The following DENND1A variants were observed in gnomAD, a reference collection of about 807,000 sequenced individuals.
DENND1A encodes DENN domain containing 1A.
In DENND1A, 51 loss-of-function variants were observed where a neutral mutation model predicts 113.7. That is an observed-to-expected ratio of 0.45 (90% CI 0.36 to 0.57). The LOEUF (loss-of-function observed/expected upper bound fraction) is 0.57. DENND1A is among the 20% of genes least tolerant of loss of function. DENND1A has a pLI of 0.00. For synonymous variants in DENND1A, 565 were observed against 570.8 expected (o/e 0.99, Z 0.14); for missense variants, 1,258 against 1,395.9 (o/e 0.90, Z 1.57).
intron 7 of DENND1A, among the ~76,000 whole-genome samples, chr9:123,669,516 C>T (rs1171978291): frequency 6.6e-6 from 1 of 152,180 alleles, no homozygotes; most frequent in Non-Finnish European, 1.5e-5. Context: ...TTCCTGCTGC[C>T]CCTGAGATGG....
chr9:123,476,171 G>A (rs1421882451), intron 13 of DENND1A, among the ~76,000 whole-genome samples: 1 of 151,534 alleles, frequency 6.6e-6, no homozygotes, highest in African/African-American at 2.4e-5. Flanking sequence ...GTGACAGAGA[G>A]GGACCACATC....
At chr9:123,914,842 C>G (rs1055758256) in intron 1 of DENND1A, among the ~76,000 whole-genome samples, 9 of 152,050 alleles carry the variant, frequency 5.9e-5, no homozygotes, top group Non-Finnish European at 2.9e-5. Flanking sequence ...GGCCCACCCC[C>G]ACGATCCCAA....
intron 18 of DENND1A, among the ~76,000 whole-genome samples, chr9:123,443,654 C>A (rs578233663): frequency 2.0e-5 from 3 of 152,218 alleles, no homozygotes; most frequent in Non-Finnish European, 4.4e-5. Flanking sequence ...GAGGAGCCCA[C>A]GTCAAGGAAG....
intron 5 of DENND1A, among the ~76,000 whole-genome samples, chr9:123,738,024 A>C (rs2068699858): frequency 1.3e-5 from 2 of 152,222 alleles, no homozygotes; most frequent in Admixed American, 1.3e-4. Flanking sequence ...TTCCTAGAAG[A>C]GTAAGAAATT....
intron 13 of DENND1A, among the ~76,000 whole-genome samples, chr9:123,544,895 A>G (rs2056551184): frequency 1.3e-5 from 2 of 152,094 alleles, no homozygotes; most frequent in South Asian, 2.1e-4. Flanking sequence ...TCAGGAGATC[A>G]AGACCATCCT....
chr9:123,540,838 A>C (rs2056233571), intron 13 of DENND1A, among the ~76,000 whole-genome samples: 1 of 152,200 alleles, frequency 6.6e-6, no homozygotes. Flanking sequence ...AGAGGAGTTC[A>C]TGTTTCCTCC....
intron 5 of DENND1A, among the ~76,000 whole-genome samples, chr9:123,712,800 T>G (rs972021883): frequency 9.9e-5 from 15 of 152,256 alleles, no homozygotes; most frequent in African/African-American, 3.4e-4. Context: ...AATGTAGAGC[T>G]GGCATTAGAA....
intron 2 of DENND1A, among the ~76,000 whole-genome samples, chr9:123,823,968 A>G (rs1245001138): frequency 6.6e-6 from 1 of 152,210 alleles, no homozygotes; most frequent in African/African-American, 2.4e-5. Context: ...GAAAGTCAAG[A>G]AGAGCCATTC....
At chr9:123,545,580 C>A (rs1027231653) in intron 13 of DENND1A, among the ~76,000 whole-genome samples, 8 of 152,066 alleles carry the variant, frequency 5.3e-5, no homozygotes, top group African/African-American at 1.2e-4. Context: ...CATTCTCCTG[C>A]CTCAGCCTCC....
chr9:123,429,686 A>C (rs2045994206), intron 19 of DENND1A, among the ~76,000 whole-genome samples: 1 of 152,224 alleles, frequency 6.6e-6, no homozygotes, highest in Non-Finnish European at 1.5e-5. Flanking sequence ...TACATATACA[A>C]AAATTAACCC....
intron 1 of DENND1A, among the ~76,000 whole-genome samples, chr9:123,886,053 C>T (rs919125181): frequency 1.4e-4 from 22 of 152,340 alleles, no homozygotes; most frequent in Admixed American, 5.9e-4. Context: ...TCTGGGATTA[C>T]AGGCGTGAGC....
intron 18 of DENND1A, among the ~76,000 whole-genome samples, chr9:123,450,406 G>A (rs903387335): frequency 3.3e-5 from 5 of 152,230 alleles, no homozygotes; most frequent in Non-Finnish European, 4.4e-5. Flanking sequence ...TTCTACAGAC[G>A]CCTGTGAACT....
At chr9:123,495,379 G>T (rs1011604825) in intron 13 of DENND1A, among the ~76,000 whole-genome samples, 1 of 152,120 alleles carries the variant, frequency 6.6e-6, no homozygotes, top group Non-Finnish European at 1.5e-5. Context: ...AGCTCTTCCC[G>T]CCTTGGGTGG....
chr9:123,420,408 G>A (rs947413339), intron 19 of DENND1A, among the ~76,000 whole-genome samples: 2 of 152,120 alleles, frequency 1.3e-5, no homozygotes, highest in African/African-American at 2.4e-5. Context: ...CCCTCCAGAG[G>A]CGCCACCTGC....
chr9:123,482,988 G>A (rs1182081201), intron 13 of DENND1A, among the ~76,000 whole-genome samples: 1 of 152,188 alleles, frequency 6.6e-6, no homozygotes, highest in Non-Finnish European at 1.5e-5. Flanking sequence ...GGAAGGGAGT[G>A]TAGATATTTG....
In DENND1A at chr9:123,622,369, G is replaced by T. The variant is rs189724089; in HGVS notation, c.719+8007C>A. ...CTTCTGAAGGAGGAAGGGGGAAAAA[G>T]AAATTTACATGGGAAATACCATATG... is the stretch of plus-strand genomic sequence containing the variant. On this transcript the variant is annotated intron_variant, in intron 10 of 23. Coordinates refer to ENST00000394215, the MANE Select transcript of DENND1A (RefSeq NM_001352964.2). 1.3e-3 allele frequency among the ~76,000 whole-genome samples: 200 copies of T among 152,280 alleles called. 1 individual carries two copies. Among genetic ancestry groups the T allele is most frequent in the African/African-American group, 4.6e-3 (190 of 41,572 alleles).
rs1050607360 is a variant in DENND1A at position 123,426,291 on chromosome 9, T to C, written c.1488+14069A>G. ...TGCTGATGCTTTCTGATACCCATTGTGCCTCACAGACCAGTCGAGGAGAGA... is the reference window on the plus strand; with the variant it reads ...TGCTGATGCTTTCTGATACCCATTGCGCCTCACAGACCAGTCGAGGAGAGA... On this transcript the variant is annotated intron_variant, in intron 19 of 23. Coordinates refer to ENST00000394215, the MANE Select transcript of DENND1A (RefSeq NM_001352964.2). Among the ~76,000 whole-genome samples, 4 of 152,224 alleles carry C rather than the reference T, an allele frequency of 2.6e-5. No individual in the cohort carries two copies. In the South Asian group the frequency reaches 8.3e-4, roughly 31 times the overall value.
chr9:123,497,090 G>C (rs2051992144), intron 13 of DENND1A, among the ~76,000 whole-genome samples: 1 of 152,186 alleles, frequency 6.6e-6, no homozygotes, highest in South Asian at 2.1e-4. Flanking sequence ...AGGCATCCCT[G>C]TTCCAGGCTG....
At chr9:123,890,848 T>C (rs184760331) in intron 1 of DENND1A, among the ~76,000 whole-genome samples, 5 of 152,342 alleles carry the variant, frequency 3.3e-5, no homozygotes, top group Admixed American at 2.6e-4. Flanking sequence ...AATTGTATCC[T>C]CACAATTACA....
Sources: gnomAD v4.1 joint callset for allele counts (sites outside exome capture counted in the v4.1 genomes callset) on GRCh38, gnomAD v4.1.1 for gene constraint, MANE v1.5 for transcripts, NCBI Gene and HGNC (gene_info 2026-07-23, HGNC 2026-07-21) for gene names.